GIPC1: variants seen among roughly 807,000 people sequenced by gnomAD.
GIPC1 encodes the protein PDZ domain-containing protein GIPC1.
In GIPC1, 15 loss-of-function variants were observed where a neutral mutation model predicts 28.5. That is an observed-to-expected ratio of 0.53 (90% CI 0.35 to 0.81). The LOEUF (loss-of-function observed/expected upper bound fraction) is 0.81, where lower values mean the gene tolerates loss of function less well. Among genes scored for constraint, GIPC1 ranks in the 30% least tolerant of loss-of-function variants. GIPC1 has a pLI of 0.01. For missense variants in GIPC1, 439 were observed against 481.9 expected (o/e 0.91, Z 0.83); for synonymous variants, 224 against 206.1 (o/e 1.09, Z -0.74).
At chr19:14,484,865 G>C in intron 3 of GIPC1, among the ~76,000 whole-genome samples, 1 of 151,582 alleles carries the variant, frequency 6.6e-6, no homozygotes, top group Non-Finnish European at 1.5e-5. Context: ...CCTCTCAAAA[G>C]TGCTGGGAGT....
At position 14,482,959 on chromosome 19, in the gene GIPC1, C is replaced by A. The variant is rs1357323463; in HGVS notation, c.18G>T (p.Gly6=). 6.2e-7 allele frequency: 1 copy of A among 1,611,688 alleles called. No homozygotes were observed. Among genetic ancestry groups the A allele is most frequent in the Non-Finnish European group, 8.5e-7 (1 of 1,179,834 alleles). MPLGL[G]RRKKAPPLVE... Reference sequence around the variant, plus strand: ...CTAGAGGGGGCGCCTTTTTCCGCCGCCCCAGTCCCAGCGGCATGAGCAGCG... The same window carrying A: ...CTAGAGGGGGCGCCTTTTTCCGCCGACCCAGTCCCAGCGGCATGAGCAGCG... The change falls in exon 4 of 9, where the codon GGG becomes GGT. Residue 6 remains glycine, a synonymous_variant. Coordinates refer to ENST00000393033, the MANE Select transcript of GIPC1 (RefSeq NM_005716.4).
At chr19:14,490,054 C>T (rs1257342925) in intron 3 of GIPC1, among the ~76,000 whole-genome samples, 2 of 152,060 alleles carry the variant, frequency 1.3e-5, no homozygotes, top group African/African-American at 2.4e-5. Context: ...CTCAAGAGCC[C>T]GGATTAGTTC....
At chr19:14,495,441 G>A (rs551751174) in intron 1 of GIPC1, among the ~76,000 whole-genome samples, 25 of 152,116 alleles carry the variant, frequency 1.6e-4, no homozygotes, top group Non-Finnish European at 2.8e-4. Context: ...AGTCCCAGAT[G>A]TGCCAGTTAC....
Position 14,479,438 on chromosome 19 carries a change from G to T in GIPC1, c.742C>A (p.Arg248=), listed in dbSNP as rs527522378. 1 of 1,421,462 alleles carries T rather than the reference G, an allele frequency of 7.0e-7. No homozygotes were observed. The highest frequency in any genetic ancestry group is 9.2e-7 in the Non-Finnish European group (1 of 1,086,368). 88.1% of individuals were successfully genotyped at this position (1,421,462 alleles called of 1,614,324 possible). The change falls in exon 7 of 9, where the codon CGG becomes AGG. Residue 248 remains arginine (R), a synonymous_variant. Coordinates refer to ENST00000393033, the MANE Select transcript of GIPC1 (RefSeq NM_005716.4). Reference sequence around the variant, plus strand: ...AGATCCTCCACCGTGGCGGGGCCCCGGGATCGGAGCCGCAGGGTCCCTCGG... The same window carrying T: ...AGATCCTCCACCGTGGCGGGGCCCCTGGATCGGAGCCGCAGGGTCCCTCGG... ...TGRGTLRLRS[R]GPATVEDLPS... is the part of the protein sequence containing the mutation.
chr19:14,488,048 C>T (rs2071884867), intron 3 of GIPC1, among the ~76,000 whole-genome samples: 2 of 152,184 alleles, frequency 1.3e-5, no homozygotes, highest in South Asian at 2.1e-4. Flanking sequence ...TCAGTGAGGG[C>T]GTCTCTGAGC....
chr19:14,494,583 T>C (rs528809312), intron 1 of GIPC1, among the ~76,000 whole-genome samples: 21 of 152,362 alleles, frequency 1.4e-4, no homozygotes, highest in South Asian at 1.0e-3. Context: ...TTTTGTTTTG[T>C]TCACTGTTGC....
rs141099139 is a variant in GIPC1 at position 14,495,676 on chromosome 19, G to A, written c.-175+361C>T. Among the ~76,000 whole-genome samples, 957 of 152,210 alleles carry A rather than the reference G, an allele frequency of 6.3e-3. 7 individuals are homozygous for A. The highest frequency in any genetic ancestry group is 0.02 in the African/African-American group (812 of 41,520). ...TGCGTCCCCCCCAAGGCCCTGGAGG[G>A]TTCAGACGCGGTTAGCTCAGGGGAA... On this transcript the variant is annotated intron_variant, in intron 1 of 8. Coordinates refer to ENST00000393033, the MANE Select transcript of GIPC1 (RefSeq NM_005716.4).
intron 3 of GIPC1, among the ~76,000 whole-genome samples, chr19:14,489,844 A>C (rs1404783041): frequency 2.0e-5 from 3 of 151,350 alleles, no homozygotes; most frequent in Non-Finnish European, 4.4e-5. Flanking sequence ...AAAGGGTTTT[A>C]TGTATTAAAG....
chr19:14,493,407 A>G (rs570250824), intron 1 of GIPC1, among the ~76,000 whole-genome samples: 1 of 151,410 alleles, frequency 6.6e-6, no homozygotes, highest in South Asian at 2.1e-4. Flanking sequence ...TGCTCCAACC[A>G]TGTGATTCCA....
At chr19:14,479,719 C>G (rs2071683844) in intron 6 of GIPC1, 195 bp from the exon 7 acceptor site, 2 of 431,362 alleles carry the variant, frequency 4.6e-6, no homozygotes, top group Non-Finnish European at 8.2e-6. Flanking sequence ...TGGGGCAGAG[C>G]AGGGGGAACA....
chr19:14,490,140 C>T (rs938026415), intron 3 of GIPC1, among the ~76,000 whole-genome samples: 23 of 151,958 alleles, frequency 1.5e-4, no homozygotes, highest in Non-Finnish European at 2.4e-4. Context: ...CCGAGGCGGG[C>T]GGATCACGAG....
chr19:14,485,713 A>AGAGG, intron 3 of GIPC1, among the ~76,000 whole-genome samples: 1 of 60,100 alleles, frequency 1.7e-5, no homozygotes, highest in Non-Finnish European at 3.4e-5. Flanking sequence ...AGAGAGAGAG[A>AGAGG]GAGAGAGAGA....
intron 3 of GIPC1, among the ~76,000 whole-genome samples, chr19:14,488,999 C>T (rs2071906248): frequency 6.6e-6 from 1 of 151,792 alleles, no homozygotes; most frequent in Non-Finnish European, 1.5e-5. Flanking sequence ...GATCACAGCT[C>T]ACTACAGCCT....
At position 14,478,372 on chromosome 19, in the gene GIPC1, A is replaced by G; in HGVS notation, c.*44T>C. The G allele has an allele frequency of 3.2e-6, 5 of 1,547,696 alleles. No homozygotes were observed. The South Asian group carries it at 4.8e-5, about 15-fold the overall frequency. On this transcript the variant is annotated 3_prime_UTR_variant, in exon 9 of 9. Coordinates refer to ENST00000393033, the MANE Select transcript of GIPC1 (RefSeq NM_005716.4). This position sits in a 1 kb window ranked among gnomAD's most constrained non-coding sequence, Gnocchi z 5.2. ...GTCAGTGTCCCTGCTGGGGGCCCCC[A>G]CCAGGTTGCGCCCGGGTCATCATCG... is the stretch of plus-strand genomic sequence containing the variant.
intron 3 of GIPC1, among the ~76,000 whole-genome samples, chr19:14,486,866 C>T (rs929072499): frequency 6.6e-6 from 1 of 151,834 alleles, no homozygotes; most frequent in Non-Finnish European, 1.5e-5. Context: ...AGACTCCTGA[C>T]CTCAAGTGAT....
intron 3 of GIPC1, among the ~76,000 whole-genome samples, chr19:14,487,685 C>CTTTTTTTTT (rs34048955): frequency 6.1e-5 from 8 of 130,452 alleles, no homozygotes; most frequent in African/African-American, 1.5e-4. Flanking sequence ...CTTTATTTTC[C>CTTTTTTTTT]TTTTTTTTTT....
intron 3 of GIPC1, among the ~76,000 whole-genome samples, chr19:14,490,480 C>T (rs1331811147): frequency 2.7e-5 from 4 of 150,510 alleles, no homozygotes; most frequent in African/African-American, 9.8e-5. Context: ...GAGTTCGAGA[C>T]TGGCCTGACC....
At chr19:14,483,029 C>T (rs995393283) in intron 3 of GIPC1, 23 bp from the exon 4 acceptor site, 2 of 1,568,004 alleles carry the variant, frequency 1.3e-6, no homozygotes, top group East Asian at 4.5e-5. Context: ...AAGTGGGGCT[C>T]AGGGCCTGGG....
At chr19:14,490,332 C>G (rs2071940983) in intron 3 of GIPC1, among the ~76,000 whole-genome samples, 1 of 150,728 alleles carries the variant, frequency 6.6e-6, no homozygotes, top group South Asian at 2.1e-4. Context: ...TGCCATTGCA[C>G]TCCAGCCTGG....
Sources: gnomAD v4.1 joint callset for allele counts (sites outside exome capture counted in the v4.1 genomes callset) on GRCh38, gnomAD v4.1.1 for gene constraint, Gnocchi (gnomAD v3.1) non-coding constraint, MANE v1.5 for transcripts, NCBI Gene and HGNC (gene_info 2026-07-23, HGNC 2026-07-21) for gene names.